COL24A1: variants seen among roughly 807,000 people sequenced by gnomAD.
COL24A1 encodes the protein collagen type XXIV alpha 1 chain.
In COL24A1, 224 loss-of-function variants were observed where a neutral mutation model predicts 253.9. The observed-to-expected ratio is 0.88, with a 90% CI of 0.79 to 0.99. The LOEUF (loss-of-function observed/expected upper bound fraction) is 0.99. Among genes scored for constraint, COL24A1 ranks in the 50% least tolerant of loss-of-function variants. The pLI is 0.00. For synonymous variants in COL24A1, 685 were observed against 673.7 expected, an observed-to-expected ratio of 1.02 and a Z score of -0.26; for missense variants, 2,131 against 2,068.5, an observed-to-expected ratio of 1.03 and a Z score of -0.59.
At chr1:85,811,272 T>C (rs150119155) in intron 47 of COL24A1, among the ~76,000 whole-genome samples, 1,588 of 152,316 alleles carry the variant, frequency 0.01, 20 homozygotes, top group African/African-American at 0.036. Context: ...ATAATGCTGC[T>C]ACGAACATTG....
At chr1:85,946,086 A>C (rs949514124) in intron 24 of COL24A1, among the ~76,000 whole-genome samples, 4 of 152,158 alleles carry the variant, frequency 2.6e-5, no homozygotes, top group Non-Finnish European at 5.9e-5. Context: ...AGTTTATGCT[A>C]AACACTTGTT....
At chr1:86,133,156 G>C (rs149163597) in intron 2 of COL24A1, among the ~76,000 whole-genome samples, 2 of 151,810 alleles carry the variant, frequency 1.3e-5, no homozygotes, top group Non-Finnish European at 1.5e-5. Context: ...CTCTCTGTTT[G>C]TCTGTTGGTG....
At chr1:85,959,466 G>A (rs1558803915) in intron 24 of COL24A1, among the ~76,000 whole-genome samples, 1 of 152,094 alleles carries the variant, frequency 6.6e-6, no homozygotes, top group Admixed American at 6.6e-5. Context: ...TTTGGATTTT[G>A]AGTTTGGAGC....
At chr1:85,891,249 A>G (rs1299146042) in intron 31 of COL24A1, among the ~76,000 whole-genome samples, 1 of 133,776 alleles carries the variant, frequency 7.5e-6, no homozygotes, top group Non-Finnish European at 1.6e-5. Context: ...TATTTTTGGT[A>G]GAGACAGAGT....
rs1189843435 is a variant in COL24A1, at chr1:85,938,753, A to G, written c.2562+22496T>C. Among the ~76,000 whole-genome samples the G allele has an allele frequency of 2.4e-5, 3 of 125,562 alleles. 1 individual carries two copies. Among genetic ancestry groups the G allele is most frequent in the Non-Finnish European group, 5.3e-5 (3 of 56,712 alleles). 82.4% of individuals were successfully genotyped at this position (125,562 alleles called of 152,430 possible). A position where few individuals can be genotyped will look rare whatever the true frequency, so the allele number is the denominator to read the frequency against. On this transcript the variant is annotated intron_variant, in intron 24 of 59. Coordinates refer to ENST00000370571, the MANE Select transcript of COL24A1 (RefSeq NM_152890.7). ...GCTTCATGGTTTGCCTTAGTTCCAGAGAGCCTTCTTGACCAAAGGTACATA... is the reference window on the plus strand; with the variant it reads ...GCTTCATGGTTTGCCTTAGTTCCAGGGAGCCTTCTTGACCAAAGGTACATA...
At chr1:85,985,036 A>G (rs1213915445) in intron 20 of COL24A1, among the ~76,000 whole-genome samples, 2 of 151,924 alleles carry the variant, frequency 1.3e-5, no homozygotes, top group African/African-American at 4.8e-5. Context: ...TATAGTTATT[A>G]TGATGTATAT....
At chr1:86,109,848 A>G (rs1036848387) in intron 5 of COL24A1, among the ~76,000 whole-genome samples, 4 of 152,182 alleles carry the variant, frequency 2.6e-5, no homozygotes, top group Non-Finnish European at 5.9e-5. Context: ...CAGTGTAATG[A>G]TAAGTGGGGC....
chr1:86,146,332 G>T (rs1275526013), intron 1 of COL24A1, 149 bp from the exon 2 acceptor site: 2 of 609,542 alleles, frequency 3.3e-6, no homozygotes, highest in African/African-American at 1.9e-5. Flanking sequence ...AAGACCAAAG[G>T]CTCTGAAGTG....
chr1:85,835,224 C>CTCCT (rs1558321701), intron 43 of COL24A1, among the ~76,000 whole-genome samples: 1 of 135,466 alleles, frequency 7.4e-6, no homozygotes, highest in East Asian at 2.0e-4. Context: ...CTCTGCCTCC[C>CTCCT]GGGTTCAAGT....
At chr1:85,835,759 G>A (rs1014467232) in intron 43 of COL24A1, among the ~76,000 whole-genome samples, 1 of 152,152 alleles carries the variant, frequency 6.6e-6, no homozygotes, top group Admixed American at 6.5e-5. Flanking sequence ...GGGAGTGACT[G>A]CCTAATGAGT....
At chr1:85,901,450 G>A (rs772689893) in intron 28 of COL24A1, among the ~76,000 whole-genome samples, 8 of 152,192 alleles carry the variant, frequency 5.3e-5, no homozygotes, top group Middle Eastern at 3.4e-3. Flanking sequence ...TATGCTGTTG[G>A]TGAGAATGTG....
At chr1:86,135,059 A>G (rs1302525115) in intron 2 of COL24A1, among the ~76,000 whole-genome samples, 10 of 151,976 alleles carry the variant, frequency 6.6e-5, no homozygotes, top group African/African-American at 2.4e-4. Flanking sequence ...TATATTTAGG[A>G]GAGTTAGCTC....
At chr1:85,866,803 T>C (rs1021715137) in intron 37 of COL24A1, among the ~76,000 whole-genome samples, 14 of 151,884 alleles carry the variant, frequency 9.2e-5, no homozygotes, top group Non-Finnish European at 1.8e-4. Flanking sequence ...AGATAAGTTT[T>C]TGGGATTCCT....
At position 85,889,577 on chromosome 1, in the gene COL24A1, C is replaced by G. The variant is rs1682883329; in HGVS notation, c.2959G>C (p.Gly987Arg). The change falls in exon 32 of 60, where the codon GGA becomes CGA. Residue 987 changes from glycine to arginine, a missense_variant. Transcript: ENST00000370571. ...AAACTTACTGGCTCTCCTGGAAGTC[C>G]TCTGTCACCTGTACTTCCAGGCAAT... ...QGLPGSTGDR[G>R]LPGEPGLRGL... 1 of 1,613,190 alleles carries G rather than the reference C, an allele frequency of 6.2e-7. No individual in the cohort carries two copies. The highest frequency in any genetic ancestry group is 2.2e-5 in the East Asian group (1 of 44,840).
intron 19 of COL24A1, among the ~76,000 whole-genome samples, chr1:85,997,055 G>GTATATATATATATATATATATATA (rs59071699): frequency 1.6e-4 from 15 of 95,056 alleles, no homozygotes; most frequent in African/African-American, 2.3e-4. Context: ...GTGTGTGTGT[G>GTATATATATATATATATATATATA]TATATATATA....
chr1:86,106,819 A>C (rs2102093814), intron 5 of COL24A1, among the ~76,000 whole-genome samples: 1 of 152,204 alleles, frequency 6.6e-6, no homozygotes, highest in East Asian at 1.9e-4. Flanking sequence ...CAATGATTTC[A>C]GCTAATGATC....
intron 7 of COL24A1, among the ~76,000 whole-genome samples, chr1:86,074,607 A>G (rs901931536): frequency 7.2e-5 from 11 of 152,104 alleles, no homozygotes; most frequent in Admixed American, 7.2e-4. Flanking sequence ...CCAAGCAGAC[A>G]TAATAGACAT....
At chr1:85,826,872 G>T (rs896034129) in intron 43 of COL24A1, among the ~76,000 whole-genome samples, 2 of 152,142 alleles carry the variant, frequency 1.3e-5, no homozygotes, top group Non-Finnish European at 2.9e-5. Context: ...CATCTGCAAA[G>T]AGGGACAATT....
intron 55 of COL24A1, among the ~76,000 whole-genome samples, chr1:85,754,801 G>A (rs1666037485): frequency 1.3e-5 from 2 of 151,768 alleles, no homozygotes; most frequent in Non-Finnish European, 2.9e-5. Flanking sequence ...AAAAAATGAA[G>A]AAAAGTGAAC....
Sources: gnomAD v4.1 joint callset for allele counts (sites outside exome capture counted in the v4.1 genomes callset) on GRCh38, gnomAD v4.1.1 for gene constraint, MANE v1.5 for transcripts, NCBI Gene and HGNC (gene_info 2026-07-23, HGNC 2026-07-21) for gene names.